The following TGFA variants were observed in gnomAD, a reference collection of about 807,000 sequenced individuals.
The protein encoded by TGFA is transforming growth factor alpha, also known as protransforming growth factor alpha.
In TGFA, 12 loss-of-function variants were observed where a neutral mutation model predicts 21.7. The observed-to-expected ratio is 0.55, with a 90% confidence interval of 0.35 to 0.90. TGFA has a LOEUF of 0.90. TGFA is among the 40% of genes least tolerant of loss of function. The pLI, the probability that TGFA is intolerant of heterozygous loss-of-function variation, is 0.01. For synonymous variants in TGFA, 79 were observed against 88.1 expected (o/e 0.90, Z 0.58); for missense variants, 178 against 210.8 (o/e 0.84, Z 0.96).
intron 1 of TGFA, 54 bp downstream of exon 1, chr2:70,553,674 C>G: frequency 7.5e-7 from 1 of 1,327,510 alleles, no homozygotes; most frequent in Non-Finnish European, 9.6e-7. Context: ...CGGCGGGGAC[C>G]GGGGGAAGCA....
intron 1 of TGFA, among the ~76,000 whole-genome samples, chr2:70,519,196 C>T (rs1672376591): frequency 6.6e-6 from 1 of 152,092 alleles, no homozygotes; most frequent in Non-Finnish European, 1.5e-5. Context: ...CATTCTTAGA[C>T]CTGGCAGGTC....
chr2:70,553,324 G>A, intron 1 of TGFA: 1 of 1,502,382 alleles, frequency 6.7e-7, no homozygotes, highest in East Asian at 2.5e-5. Flanking sequence ...TTAGACGCCG[G>A]CCCCCGTTCC....
rs535108529 is a variant in TGFA, at chr2:70,453,260, C to T, written c.433G>A (p.Ala145Thr). The stretch of plus-strand genomic sequence containing the variant: ...CAAGCGGTTCTTCCCTTCAGGAGGG[C>T]GCTGGGCTTCTCGTGCCGGCAGATG... ...ALICRHEKPS[A>T]LLKGRTACCH... The change falls in exon 5 of 6, where the codon GCC becomes ACC. Residue 145 changes from alanine (A) to threonine (T), a missense_variant. By Grantham distance (58) the Ala-to-Thr change is moderately conservative. Coordinates refer to ENST00000295400, the MANE Select transcript of TGFA (RefSeq NM_003236.4). The T allele has an allele frequency of 1.1e-4, 173 of 1,613,974 alleles. 4 individuals carry two copies. Among genetic ancestry groups the T allele is most frequent in the South Asian group, 1.1e-3 (97 of 91,076 alleles).
At chr2:70,472,129 G>T (rs148137566) in intron 2 of TGFA, among the ~76,000 whole-genome samples, 5 of 152,074 alleles carry the variant, frequency 3.3e-5, no homozygotes, top group South Asian at 4.2e-4. Context: ...TTTAAAAAAA[G>T]AATCACTTAG....
intron 4 of TGFA, 52 bp from the exon 5 acceptor site, chr2:70,453,379 G>A: frequency 6.5e-7 from 1 of 1,544,480 alleles, no homozygotes; most frequent in Non-Finnish European, 8.9e-7. Flanking sequence ...AGGAGGGCCA[G>A]GGTGGTACAG....
At chr2:70,536,112 T>TCA (rs1378195285) in intron 1 of TGFA, among the ~76,000 whole-genome samples, 5 of 152,224 alleles carry the variant, frequency 3.3e-5, no homozygotes, top group African/African-American at 1.2e-4. Context: ...ACTACAGGTA[T>TCA]CACATGAGCA....
chr2:70,496,885 C>A (rs531603695), intron 2 of TGFA, among the ~76,000 whole-genome samples: 35 of 152,262 alleles, frequency 2.3e-4, no homozygotes, highest in African/African-American at 6.7e-4. Context: ...CAAACGAAAT[C>A]ATTATAGACA....
chr2:70,512,862 G>C (rs1379426066), intron 2 of TGFA, among the ~76,000 whole-genome samples: 5 of 152,206 alleles, frequency 3.3e-5, no homozygotes, highest in African/African-American at 1.2e-4. Context: ...TGCCATCATT[G>C]CAACTTGTCA....
At chr2:70,544,147 T>C (rs1673220061) in intron 1 of TGFA, among the ~76,000 whole-genome samples, 1 of 152,012 alleles carries the variant, frequency 6.6e-6, no homozygotes, top group Admixed American at 6.6e-5. Flanking sequence ...GTATATATAA[T>C]ATATAACCAA....
At chr2:70,529,650 G>A (rs1174533338) in intron 1 of TGFA, among the ~76,000 whole-genome samples, 1 of 151,286 alleles carries the variant, frequency 6.6e-6, no homozygotes, top group Non-Finnish European at 1.5e-5. Context: ...GGCACACCGG[G>A]AAATGAGGCT....
At chr2:70,485,160 T>C (rs970127173) in intron 2 of TGFA, among the ~76,000 whole-genome samples, 2 of 152,208 alleles carry the variant, frequency 1.3e-5, no homozygotes. Flanking sequence ...ATAGCAATAC[T>C]GTGTTCTGTA....
intron 2 of TGFA, among the ~76,000 whole-genome samples, chr2:70,472,343 A>G (rs1247193083): frequency 6.6e-6 from 1 of 152,174 alleles, no homozygotes; most frequent in Non-Finnish European, 1.5e-5. Context: ...CGAGCCCACC[A>G]GCAGCTGGAG....
At chr2:70,550,701 G>A (rs1401764260) in intron 1 of TGFA, among the ~76,000 whole-genome samples, 4 of 152,150 alleles carry the variant, frequency 2.6e-5, no homozygotes, top group African/African-American at 7.2e-5. Flanking sequence ...GCGGGCGCCT[G>A]TAGTCCCAGC....
At chr2:70,491,977 T>G (rs1671451501) in intron 2 of TGFA, among the ~76,000 whole-genome samples, 1 of 152,192 alleles carries the variant, frequency 6.6e-6, no homozygotes, top group African/African-American at 2.4e-5. Context: ...AAATATTAAC[T>G]TAGCTCTTTC....
chr2:70,466,367 C>T (rs1433709693), intron 2 of TGFA, among the ~76,000 whole-genome samples: 1 of 152,030 alleles, frequency 6.6e-6, no homozygotes, highest in South Asian at 2.1e-4. Context: ...ATTAGCCGGG[C>T]GAGGTGACGG....
At chr2:70,532,773 C>A (rs182206248) in intron 1 of TGFA, among the ~76,000 whole-genome samples, 2 of 152,218 alleles carry the variant, frequency 1.3e-5, no homozygotes, top group Non-Finnish European at 2.9e-5. Flanking sequence ...GTTCCTCCCC[C>A]AGAGGAGCCA....
At chr2:70,521,109 T>A (rs1672443073) in intron 1 of TGFA, among the ~76,000 whole-genome samples, 1 of 150,850 alleles carries the variant, frequency 6.6e-6, no homozygotes, top group South Asian at 2.1e-4. Context: ...AAAAAAAAAA[T>A]CTTTGCTCCT....
At chr2:70,542,176 C>T (rs916320342) in intron 1 of TGFA, among the ~76,000 whole-genome samples, 10 of 152,092 alleles carry the variant, frequency 6.6e-5, no homozygotes, top group Non-Finnish European at 1.5e-4. Flanking sequence ...TTTGAGTTTT[C>T]CTTGTTAGTT....
chr2:70,535,932 C>CCAT (rs1425365768), intron 1 of TGFA, among the ~76,000 whole-genome samples: 1 of 152,104 alleles, frequency 6.6e-6, no homozygotes, highest in East Asian at 1.9e-4. Context: ...AAAGAAAGCC[C>CCAT]CATTATCTTG....
Sources: gnomAD v4.1 joint callset for allele counts (sites outside exome capture counted in the v4.1 genomes callset) on GRCh38, gnomAD v4.1.1 for gene constraint, MANE v1.5 for transcripts, NCBI Gene and HGNC (gene_info 2026-07-23, HGNC 2026-07-21) for gene names.